The following USP34 variants were observed in gnomAD, a reference collection of about 807,000 sequenced individuals.
The protein encoded by USP34 is ubiquitin carboxyl-terminal hydrolase 34.
Under a neutral mutation model 460.3 loss-of-function variants are expected in USP34, and 70 were observed. The ratio of observed to expected loss-of-function variants is 0.15; its 90% CI spans 0.13 to 0.19. USP34 has a LOEUF of 0.19. Ranked by LOEUF, USP34 falls within the 10% of genes least tolerant of loss-of-function variation. USP34 has a pLI of 1.00. For missense variants in USP34, 3,985 were observed against 4,236.2 expected (o/e 0.94, Z 1.65); for synonymous variants, 1,647 against 1,405.3 (o/e 1.17, Z -3.85).
chr2:61,406,315 TAA>T (rs1174436833), intron 2 of USP34, among the ~76,000 whole-genome samples, 187 bp from the exon 3 acceptor site: 1 of 152,186 alleles, frequency 6.6e-6, no homozygotes, highest in Non-Finnish European at 1.5e-5. Flanking sequence ...TTAGTTAGTG[TAA>T]AGTCATCATG....
At chr2:61,297,714 G>T (rs188462390) in intron 29 of USP34, among the ~76,000 whole-genome samples, 5 of 152,140 alleles carry the variant, frequency 3.3e-5, no homozygotes, top group African/African-American at 1.2e-4. Flanking sequence ...TATAATGGCA[G>T]AAACATGGTG....
intron 1 of USP34, among the ~76,000 whole-genome samples, chr2:61,447,676 A>G (rs982326185): frequency 6.6e-6 from 1 of 152,084 alleles, no homozygotes; most frequent in African/African-American, 2.4e-5. Flanking sequence ...ACATGAATAC[A>G]AGATCTGTGA....
chr2:61,199,020 A>G (rs72811447), intron 75 of USP34, among the ~76,000 whole-genome samples: 24,135 of 152,226 alleles, frequency 0.16, 2,311 homozygotes, highest in South Asian at 0.36. Flanking sequence ...ATATATTGGC[A>G]GTGTTGGCTG....
chr2:61,403,264 C>T (rs1235824651), intron 3 of USP34, among the ~76,000 whole-genome samples: 1 of 151,926 alleles, frequency 6.6e-6, no homozygotes, highest in African/African-American at 2.4e-5. Flanking sequence ...TTAGAGATTA[C>T]CATTTTTGAA....
At chr2:61,275,976 G>T (rs1380951602) in intron 41 of USP34, among the ~76,000 whole-genome samples, 1 of 152,090 alleles carries the variant, frequency 6.6e-6, no homozygotes. Context: ...CAGCAAATAT[G>T]ATATAAAGAG....
intron 1 of USP34, among the ~76,000 whole-genome samples, chr2:61,422,980 G>C (rs1694406827): frequency 2.0e-5 from 3 of 152,160 alleles, no homozygotes; most frequent in Admixed American, 2.0e-4. Context: ...TTAAACTGCA[G>C]TTTGCATTTC....
chr2:61,273,929 T>A (rs1319804924), intron 41 of USP34, among the ~76,000 whole-genome samples: 2 of 152,078 alleles, frequency 1.3e-5, no homozygotes, highest in African/African-American at 2.4e-5. Flanking sequence ...AAAAAAGTTA[T>A]CCATTTCATT....
intron 21 of USP34, among the ~76,000 whole-genome samples, 158 bp downstream of exon 21, chr2:61,325,217 T>G (rs1291792019): frequency 1.3e-5 from 2 of 150,654 alleles, no homozygotes; most frequent in Non-Finnish European, 3.0e-5. Context: ...GGTAGGGATT[T>G]GTTACAATAC....
intron 34 of USP34, among the ~76,000 whole-genome samples, chr2:61,286,157 G>A (rs1558510180): frequency 1.3e-5 from 2 of 152,084 alleles, no homozygotes; most frequent in Non-Finnish European, 2.9e-5. Flanking sequence ...AAGATCACAC[G>A]GAAAAATGAT....
chr2:61,273,490 A>T (rs1410818639), intron 41 of USP34, among the ~76,000 whole-genome samples: 3 of 152,134 alleles, frequency 2.0e-5, no homozygotes, highest in African/African-American at 4.8e-5. Context: ...AGGCCGAGGC[A>T]GGCGAATCAC....
rs1476456554 is a variant in USP34 at position 61,470,583 on chromosome 2, G to C, written c.43+67C>G. 2.6e-6 allele frequency: 3 copies of C among 1,138,328 alleles called. No homozygotes were observed. In the East Asian group the frequency reaches 8.7e-5, roughly 33 times the overall value. The allele number at this position is 1,138,328 out of a possible 1,614,324, so 70.5% of individuals were successfully genotyped here. A position where few individuals can be genotyped will look rare whatever the true frequency, so the allele number is the denominator to read the frequency against. On this transcript the variant is annotated intron_variant, in intron 1 of 79. Coordinates refer to ENST00000398571, the MANE Select transcript of USP34 (RefSeq NM_014709.4). The stretch of plus-strand genomic sequence containing the variant: ...CTCCCGCAGGCCGCGGCAGCCCGGG[G>C]AGGCCAGAGAGCTGCGCGAGGACCC...
At chr2:61,222,042 T>C (rs374549299) in intron 65 of USP34, among the ~76,000 whole-genome samples, 1 of 152,280 alleles carries the variant, frequency 6.6e-6, no homozygotes, top group African/African-American at 2.4e-5. Context: ...AGTCGCTACA[T>C]TGCACAACAG....
intron 8 of USP34, 27 bp from the exon 9 acceptor site, chr2:61,370,606 A>G (rs1400029672): frequency 6.3e-7 from 1 of 1,592,482 alleles, no homozygotes; most frequent in Non-Finnish European, 8.5e-7. Flanking sequence ...AAAATAGTAC[A>G]TTAAAAAAAA....
At chr2:61,254,315 G>T (rs1341771354) in intron 48 of USP34, among the ~76,000 whole-genome samples, 1 of 151,974 alleles carries the variant, frequency 6.6e-6, no homozygotes, top group Non-Finnish European at 1.5e-5. Context: ...TTTTAGGTTG[G>T]CTTAGCTCTT....
At chr2:61,235,739 G>T in intron 57 of USP34, 106 bp downstream of exon 57, 1 of 1,045,016 alleles carries the variant, frequency 9.6e-7, no homozygotes, top group Non-Finnish European at 1.4e-6. Context: ...CTTCCATTTG[G>T]CTCCCTGTGA....
At chr2:61,290,251 A>G (rs774376250) in intron 33 of USP34, among the ~76,000 whole-genome samples, 1 of 152,134 alleles carries the variant, frequency 6.6e-6, no homozygotes, top group Non-Finnish European at 1.5e-5. Flanking sequence ...TATGTTGCAT[A>G]GTATAACTGT....
At chr2:61,404,076 G>T (rs1445931043) in intron 3 of USP34, among the ~76,000 whole-genome samples, 3 of 150,046 alleles carry the variant, frequency 2.0e-5, no homozygotes, top group Non-Finnish European at 4.4e-5. Flanking sequence ...GGGCCAAGTA[G>T]GTGACTTGTG....
At chr2:61,388,319 C>T (rs1693231644) in intron 5 of USP34, among the ~76,000 whole-genome samples, 1 of 151,962 alleles carries the variant, frequency 6.6e-6, no homozygotes, top group Non-Finnish European at 1.5e-5. Flanking sequence ...CAACACTTGG[C>T]AAGGATATGC....
intron 8 of USP34, 81 bp downstream of exon 8, chr2:61,378,282 A>T (rs1692854573): frequency 1.9e-6 from 2 of 1,077,742 alleles, no homozygotes; most frequent in Middle Eastern, 3.0e-4. Flanking sequence ...AAAAATTTTA[A>T]ATCTAAAAAT....
Sources: allele counts gnomAD v4.1 joint callset (sites outside exome capture counted in the v4.1 genomes callset), GRCh38; gene constraint gnomAD v4.1.1; transcripts MANE v1.5; gene names NCBI Gene and HGNC (gene_info 2026-07-23, HGNC 2026-07-21).